The following MORN1 variants were observed in gnomAD, a reference collection of about 807,000 sequenced individuals.
MORN1 encodes the protein MORN repeat-containing protein 1.
MORN1 carries 67 observed loss-of-function variants against 61.9 expected under a neutral mutation model. That is an observed-to-expected ratio of 1.08 (90% confidence interval 0.89 to 1.33). The LOEUF (loss-of-function observed/expected upper bound fraction) is 1.33. Among genes scored for constraint, MORN1 ranks in the 40% most tolerant of loss-of-function variants. MORN1 has a pLI of 0.00. For synonymous variants in MORN1, 301 were observed against 292.0 expected (o/e 1.03, Z -0.31); for missense variants, 752 against 691.2 (o/e 1.09, Z -0.99).
intron 12 of MORN1, among the ~76,000 whole-genome samples, chr1:2,327,963 C>T (rs908482960): frequency 2.6e-5 from 4 of 152,234 alleles, no homozygotes; most frequent in Non-Finnish European, 5.9e-5. Flanking sequence ...AGAGGCCTCC[C>T]GAGGAGCCCG....
intron 6 of MORN1, among the ~76,000 whole-genome samples, chr1:2,382,651 G>A (rs1200852490): frequency 6.6e-6 from 1 of 152,200 alleles, no homozygotes; most frequent in Non-Finnish European, 1.5e-5. Context: ...TGAAGACAAG[G>A]GAGCAGTGGC....
chr1:2,364,331 AT>A (rs1175866006), intron 8 of MORN1, among the ~76,000 whole-genome samples: 1 of 151,876 alleles, frequency 6.6e-6, no homozygotes, highest in Admixed American at 6.6e-5. Context: ...AAAGCAGAAC[AT>A]TTTTTCATGT....
At chr1:2,373,060 G>A (rs1264584880) in intron 7 of MORN1, among the ~76,000 whole-genome samples, 5 of 152,206 alleles carry the variant, frequency 3.3e-5, no homozygotes, top group Non-Finnish European at 5.9e-5. Flanking sequence ...AGCCAGGGCC[G>A]CCCCTGCTCC....
chr1:2,329,147 C>T lies in MORN1; in HGVS notation c.1251-5004G>A, dbSNP rs563602839. Among the ~76,000 whole-genome samples the T allele has an allele frequency of 1.2e-4, 19 of 152,266 alleles. No homozygotes were observed. In the South Asian group the frequency reaches 3.1e-3, roughly 25 times the overall value. On this transcript the variant is annotated intron_variant, in intron 12 of 13. Coordinates refer to ENST00000378531, the MANE Select transcript of MORN1 (RefSeq NM_024848.3). Reference sequence around the variant, plus strand: ...AGCCTGTTCACCTGTGGGCCCTTGCCGGTGTGGGTGTGCGAAGAGTTAACG... The same window carrying T: ...AGCCTGTTCACCTGTGGGCCCTTGCTGGTGTGGGTGTGCGAAGAGTTAACG...
At chr1:2,322,512 C>CG in intron 13 of MORN1, 1 of 984,978 alleles carries the variant, frequency 1.0e-6, no homozygotes, top group Non-Finnish European at 1.2e-6. Context: ...GAGCAAGCCT[C>CG]GGGGGCCGGG....
intron 3 of MORN1, 32 bp downstream of exon 3, chr1:2,388,207 G>C (rs775490015): frequency 1.1e-5 from 17 of 1,546,814 alleles, no homozygotes. Flanking sequence ...TTATGAGAAA[G>C]GAGTGAATGT....
rs1570047299 is a variant in MORN1 at position 2,384,909 on chromosome 1, A to G, written c.537+69T>C. On this transcript the variant is annotated intron_variant, in intron 6 of 13. Coordinates refer to ENST00000378531, the MANE Select transcript of MORN1 (RefSeq NM_024848.3). ...GCTGCCAGGGTGAGGCTCCCCATAC[A>G]CCCCACGCGCCCTGCCCACCACGAG... 5 of 1,355,926 alleles carry G rather than the reference A, an allele frequency of 3.7e-6. 1 individual carries two copies. The highest frequency in any genetic ancestry group is 2.9e-5 in the South Asian group (2 of 68,952). The allele number at this position is 1,355,926 out of a possible 1,614,324, so 84.0% of individuals were successfully genotyped here. A position where few individuals can be genotyped will look rare whatever the true frequency, so the allele number is the denominator to read the frequency against.
Position 2,357,017 on chromosome 1 carries a change from G to C in MORN1, c.1036+415C>G, listed in dbSNP as rs949461204. ...GCAGCGGGAAACCCTGACCTCGAGA[G>C]AGCAGTCGGCGCCGCGGCCCCCAGA... On this transcript the variant is annotated intron_variant, in intron 10 of 13. Coordinates refer to ENST00000378531, the MANE Select transcript of MORN1 (RefSeq NM_024848.3). The surrounding 1 kb of genome is among the most constrained non-coding windows in gnomAD (Gnocchi z 6.3). Among the ~76,000 whole-genome samples, 2 of 152,166 alleles carry C rather than the reference G, an allele frequency of 1.3e-5. No individual in the cohort carries two copies. Among genetic ancestry groups the C allele is most frequent in the Non-Finnish European group, 2.9e-5 (2 of 68,018 alleles).
chr1:2,384,973 G>A lies in MORN1; in HGVS notation c.537+5C>T, dbSNP rs1642458071. 2 of 1,565,930 alleles carry A rather than the reference G, an allele frequency of 1.3e-6. No homozygotes were observed. The highest frequency in any genetic ancestry group is 1.4e-5 in the African/African-American group (1 of 73,952). On this transcript the variant is annotated splice_donor_5th_base_variant and intron_variant, in intron 6 of 13. Transcript: ENST00000378531. ...GGGCAGCAGGTGCCGCGCGCCCCCG[G>A]GTACCTTGTAGGTGGAGCCGTCGGC... is the stretch of plus-strand genomic sequence containing the variant.
In MORN1 at chr1:2,385,082, C is replaced by T. The variant is rs377539251; in HGVS notation, c.450-17G>A. On this transcript the variant is annotated splice_polypyrimidine_tract_variant and intron_variant, in intron 5 of 13. Coordinates refer to ENST00000378531, the MANE Select transcript of MORN1 (RefSeq NM_024848.3). ...TCACCGTTCCTGGGGGACACACGCA[C>T]GGAGTCCACTCTCAACAGGGGGAGC... 72 of 1,574,958 alleles carry T rather than the reference C, an allele frequency of 4.6e-5. No homozygotes were observed. Among genetic ancestry groups the T allele is most frequent in the African/African-American group, 2.3e-4 (17 of 74,286 alleles).
rs7519008 is a variant in MORN1 at position 2,323,053 on chromosome 1, C to T, written c.1297+1044G>A. ...GGGCTGTCTCCGCCGAGCACATAAA[C>T]CCTGGCCGAGCGGCTGCGCACAGGT... is the stretch of plus-strand genomic sequence containing the variant. On this transcript the variant is annotated intron_variant, in intron 13 of 13. Coordinates refer to ENST00000378531, the MANE Select transcript of MORN1 (RefSeq NM_024848.3). 503 of 985,454 alleles carry T rather than the reference C, an allele frequency of 5.1e-4. 2 individuals carry two copies. In the African/African-American group the frequency reaches 8.2e-3, roughly 16 times the overall value. 61.0% of individuals were successfully genotyped at this position (985,454 alleles called of 1,614,324 possible). A position where few individuals can be genotyped will look rare whatever the true frequency, so the allele number is the denominator to read the frequency against.
At chr1:2,345,268 G>A (rs2100275174) in intron 10 of MORN1, among the ~76,000 whole-genome samples, 1 of 152,364 alleles carries the variant, frequency 6.6e-6, no homozygotes, top group African/African-American at 2.4e-5. Context: ...GCACCTCCAA[G>A]CCATTCCTTC....
At chr1:2,331,749 G>C (rs1405658910) in intron 12 of MORN1, among the ~76,000 whole-genome samples, 1 of 152,164 alleles carries the variant, frequency 6.6e-6, no homozygotes, top group Non-Finnish European at 1.5e-5. Flanking sequence ...ACAAAGGCGC[G>C]CGTTTCTCCC....
At chr1:2,324,348 G>A (rs1051163499) in intron 12 of MORN1, among the ~76,000 whole-genome samples, 6 of 152,310 alleles carry the variant, frequency 3.9e-5, no homozygotes, top group South Asian at 2.1e-4. Context: ...CCTCGGAACC[G>A]TGGGCTGCCC....
At chr1:2,323,145 C>T (rs536481939) in intron 13 of MORN1, 44 of 985,300 alleles carry the variant, frequency 4.5e-5, no homozygotes, top group East Asian at 1.1e-4. Flanking sequence ...GGCTGGGACG[C>T]GGTGGACCGG....
At chr1:2,333,608 G>T (rs1361157271) in intron 12 of MORN1, among the ~76,000 whole-genome samples, 1 of 152,210 alleles carries the variant, frequency 6.6e-6, no homozygotes, top group African/African-American at 2.4e-5. Context: ...CTGGCTCAAG[G>T]TGCTGCTGCT....
rs1375085149 is a variant in MORN1, at chr1:2,322,312, G to C, written c.1298-733C>G. On this transcript the variant is annotated intron_variant, in intron 13 of 13. Coordinates refer to ENST00000378531, the MANE Select transcript of MORN1 (RefSeq NM_024848.3). ...GGGCTGGCACCGGAGCGTGGAAAAA[G>C]CGCCTCGGCTGGCCCGGGCTCACAC... is the stretch of plus-strand genomic sequence containing the variant. 4 of 985,276 alleles carry C rather than the reference G, an allele frequency of 4.1e-6. No homozygotes were observed. The South Asian group carries it at 1.4e-4, about 35-fold the overall frequency. 61.0% of individuals were successfully genotyped at this position (985,276 alleles called of 1,614,324 possible). A position where few individuals can be genotyped will look rare whatever the true frequency, so the allele number is the denominator to read the frequency against.
chr1:2,383,133 C>T (rs1017210729), intron 6 of MORN1, among the ~76,000 whole-genome samples: 5 of 152,232 alleles, frequency 3.3e-5, no homozygotes, highest in Admixed American at 1.3e-4. Context: ...CCAGCACCCC[C>T]CTTCCTTGCC....
intron 12 of MORN1, among the ~76,000 whole-genome samples, chr1:2,329,207 G>T (rs1374855014): frequency 3.3e-5 from 5 of 152,168 alleles, no homozygotes; most frequent in Admixed American, 2.0e-4. Flanking sequence ...CTGCTGTGGG[G>T]TTATCATTCC....
Sources: gnomAD v4.1 joint callset for allele counts (sites outside exome capture counted in the v4.1 genomes callset) on GRCh38, gnomAD v4.1.1 for gene constraint, Gnocchi (gnomAD v3.1) non-coding constraint, MANE v1.5 for transcripts, NCBI Gene and HGNC (gene_info 2026-07-23, HGNC 2026-07-21) for gene names.